THEMIS: variants seen among roughly 807,000 people sequenced by gnomAD.
THEMIS encodes protein THEMIS.
THEMIS carries 37 observed loss-of-function variants against 52.6 expected under a neutral mutation model. The ratio of observed to expected loss-of-function variants is 0.70; its 90% confidence interval spans 0.54 to 0.93. The LOEUF (loss-of-function observed/expected upper bound fraction) is 0.93, where lower values mean the gene tolerates loss of function less well. Among genes scored for constraint, THEMIS ranks in the 40% least tolerant of loss-of-function variants. THEMIS has a pLI of 0.00. For missense variants in THEMIS, 808 were observed against 763.1 expected, an observed-to-expected ratio of 1.06 and a Z score of -0.69; for synonymous variants, 292 against 272.7, an observed-to-expected ratio of 1.07 and a Z score of -0.70.
chr6:127,794,016 T>C (rs1326273706), intron 4 of THEMIS, among the ~76,000 whole-genome samples: 4 of 152,182 alleles, frequency 2.6e-5, no homozygotes, highest in Non-Finnish European at 5.9e-5. Context: ...AGAAGATCAT[T>C]CTGTTAATAA....
At chr6:127,837,497 CTACTT>C (rs910706125) in intron 2 of THEMIS, among the ~76,000 whole-genome samples, 12 of 152,090 alleles carry the variant, frequency 7.9e-5, no homozygotes, top group Middle Eastern at 3.4e-3. Flanking sequence ...AATGTTTTCT[CTACTT>C]TATATATGAG....
chr6:127,742,792 T>C (rs538073215), intron 4 of THEMIS, among the ~76,000 whole-genome samples: 1 of 152,176 alleles, frequency 6.6e-6, no homozygotes, highest in East Asian at 1.9e-4. Context: ...AAAGTTATTA[T>C]TTAAGGGGTA....
chr6:127,730,584 T>A (rs1774758669), intron 4 of THEMIS, among the ~76,000 whole-genome samples: 1 of 152,172 alleles, frequency 6.6e-6, no homozygotes, highest in South Asian at 2.1e-4. Context: ...ATGTTTTTAT[T>A]ATTGAGTTTA....
At chr6:127,849,177 T>C (rs550763328) in intron 2 of THEMIS, among the ~76,000 whole-genome samples, 149 of 152,170 alleles carry the variant, frequency 9.8e-4, no homozygotes, top group African/African-American at 3.1e-3. Flanking sequence ...ATTTATTAAA[T>C]AGGGAATCCT....
At chr6:127,743,238 G>C (rs1775269844) in intron 4 of THEMIS, among the ~76,000 whole-genome samples, 1 of 152,074 alleles carries the variant, frequency 6.6e-6, no homozygotes, top group Admixed American at 6.6e-5. Context: ...TTTTGCATTA[G>C]AGCCCCTTAA....
At position 127,749,837 on chromosome 6, in the gene THEMIS, G is replaced by T. The variant is rs564544455; in HGVS notation, c.1759-30014C>A. The stretch of plus-strand genomic sequence containing the variant: ...AATACATCCTAGAGAATTACTGCTA[G>T]CTCCATTGACCACAAAAACACCATG... On this transcript the variant is annotated intron_variant, in intron 4 of 5. Coordinates refer to ENST00000368248, the MANE Select transcript of THEMIS (RefSeq NM_001010923.3). Among the ~76,000 whole-genome samples, 23 of 151,256 alleles carry T rather than the reference G, an allele frequency of 1.5e-4. No individual in the cohort carries two copies. In the Admixed American group the frequency reaches 1.5e-3, roughly 10 times the overall value.
At chr6:127,787,850 T>TTAG (rs1777011891) in intron 4 of THEMIS, among the ~76,000 whole-genome samples, 1 of 137,510 alleles carries the variant, frequency 7.3e-6, no homozygotes, top group South Asian at 2.4e-4. Flanking sequence ...GATAGACAGA[T>TTAG]ATAGATAGAT....
intron 4 of THEMIS, among the ~76,000 whole-genome samples, chr6:127,746,773 TTA>T (rs1775413571): frequency 1.7e-5 from 1 of 57,544 alleles, no homozygotes; most frequent in Non-Finnish European, 2.7e-5. Context: ...TATAATTATA[TTA>T]TATATAATTA....
At chr6:127,734,577 A>C (rs1212815910) in intron 4 of THEMIS, among the ~76,000 whole-genome samples, 4 of 152,082 alleles carry the variant, frequency 2.6e-5, no homozygotes, top group Admixed American at 2.6e-4. Context: ...GTGAGGGTGC[A>C]TAAAAAATGG....
At chr6:127,822,335 A>G (rs1428009286) in intron 3 of THEMIS, among the ~76,000 whole-genome samples, 4 of 151,922 alleles carry the variant, frequency 2.6e-5, no homozygotes, top group Non-Finnish European at 4.4e-5. Flanking sequence ...ATTTAACTTT[A>G]TTTCAACTTA....
chr6:127,764,773 T>C (rs547527662), intron 4 of THEMIS, among the ~76,000 whole-genome samples: 2 of 152,178 alleles, frequency 1.3e-5, no homozygotes, highest in South Asian at 2.1e-4. Context: ...TTAAAATATC[T>C]AGAAGTTATT....
chr6:127,880,726 A>AT (rs1037560106), intron 1 of THEMIS, among the ~76,000 whole-genome samples: 2 of 152,080 alleles, frequency 1.3e-5, no homozygotes, highest in African/African-American at 4.8e-5. Flanking sequence ...AGTCCTATCT[A>AT]TTTTTTGTAA....
chr6:127,705,786 A>G (rs1007496846), downstream of THEMIS, among the ~76,000 whole-genome samples: 2 of 152,162 alleles, frequency 1.3e-5, no homozygotes, highest in African/African-American at 4.8e-5. Flanking sequence ...CATTTGTTGT[A>G]TCATAGGGTA....
At chr6:127,710,129 C>T (rs1050135317) in intron 5 of THEMIS, 113 bp from the exon 6 acceptor site, 30 of 541,478 alleles carry the variant, frequency 5.5e-5, no homozygotes, top group African/African-American at 4.6e-4. Flanking sequence ...TTTTGAGAAA[C>T]GGTTGGAAGC....
chr6:127,780,192 C>G (rs1776697391), intron 4 of THEMIS, among the ~76,000 whole-genome samples: 1 of 152,068 alleles, frequency 6.6e-6, no homozygotes, highest in South Asian at 2.1e-4. Context: ...GGTTTAAAGT[C>G]TGTTTTATCA....
At chr6:127,832,777 CTTTTTTTTTTTT>C (rs11355741) in intron 2 of THEMIS, among the ~76,000 whole-genome samples, 1 of 57,796 alleles carries the variant, frequency 1.7e-5, no homozygotes, top group Non-Finnish European at 2.9e-5. Context: ...ATTGTCAGAT[CTTTTTTTTTTTT>C]TTTTTTTTTT....
intron 3 of THEMIS, among the ~76,000 whole-genome samples, chr6:127,819,619 G>C (rs1299225260): frequency 6.6e-6 from 1 of 152,158 alleles, no homozygotes; most frequent in Non-Finnish European, 1.5e-5. Context: ...CAAGCAAGAA[G>C]AGAATGGAGT....
chr6:127,878,428 T>C (rs1285296924), intron 1 of THEMIS, among the ~76,000 whole-genome samples: 2 of 150,964 alleles, frequency 1.3e-5, no homozygotes, highest in African/African-American at 4.9e-5. Flanking sequence ...CGTGGCCATA[T>C]AGCTGTTATT....
At chr6:127,721,062 G>A (rs1448534877) in intron 4 of THEMIS, among the ~76,000 whole-genome samples, 1 of 151,922 alleles carries the variant, frequency 6.6e-6, no homozygotes, top group Non-Finnish European at 1.5e-5. Flanking sequence ...TTGCACAATT[G>A]TTTTTGCTCA....
Sources: allele counts gnomAD v4.1 joint callset (sites outside exome capture counted in the v4.1 genomes callset), GRCh38; gene constraint gnomAD v4.1.1; transcripts MANE v1.5; gene names NCBI Gene and HGNC (gene_info 2026-07-23, HGNC 2026-07-21).